Variants in LAMA3 observed in about 807,000 individuals in gnomAD.
LAMA3 encodes laminin subunit alpha-3.
Under a neutral mutation model 402.0 loss-of-function variants are expected in LAMA3, and 281 were observed. The observed-to-expected ratio is 0.70, with a 90% CI of 0.63 to 0.77. The LOEUF is 0.77. Among genes scored for constraint, LAMA3 ranks in the 30% least tolerant of loss-of-function variants. LAMA3 has a pLI of 0.00. For synonymous variants in LAMA3, 1,431 were observed against 1,558.4 expected (o/e 0.92, Z 1.93); for missense variants, 3,840 against 4,215.5 (o/e 0.91, Z 2.47).
intron 27 of LAMA3, among the ~76,000 whole-genome samples, chr18:23,840,415 C>T (rs1308580664): frequency 8.5e-6 from 1 of 117,086 alleles, no homozygotes; most frequent in Admixed American, 1.1e-4. Context: ...CAGATTCTTG[C>T]TCTATCACTC....
chr18:23,876,913 C>T (rs2064738444), intron 39 of LAMA3, among the ~76,000 whole-genome samples: 1 of 152,130 alleles, frequency 6.6e-6, no homozygotes, highest in African/African-American at 2.4e-5. Flanking sequence ...CCCAGCTACT[C>T]AGGAGACTGA....
At chr18:23,816,286 CTG>C in intron 17 of LAMA3, 100 bp from the exon 18 acceptor site, 1 of 837,472 alleles carries the variant, frequency 1.2e-6, no homozygotes. Flanking sequence ...AAGGCAGGCA[CTG>C]TGTCACTGGG....
chr18:23,749,834 G>T (rs1225586675), intron 4 of LAMA3, among the ~76,000 whole-genome samples: 2 of 152,286 alleles, frequency 1.3e-5, no homozygotes, highest in African/African-American at 4.8e-5. Context: ...AAAGTGGGTT[G>T]CTGGTAACTG....
intron 2 of LAMA3, among the ~76,000 whole-genome samples, chr18:23,738,253 G>A (rs2061509066): frequency 6.6e-6 from 1 of 151,856 alleles, no homozygotes; most frequent in Non-Finnish European, 1.5e-5. Context: ...TTTTCTTTGG[G>A]ATGGGAGAGA....
intron 11 of LAMA3, among the ~76,000 whole-genome samples, chr18:23,778,713 C>T (rs554927163): frequency 2.6e-5 from 4 of 152,298 alleles, no homozygotes; most frequent in Admixed American, 2.0e-4. Flanking sequence ...TACCCCAGGG[C>T]GCCAGCAGAG....
At chr18:23,898,414 A>G (rs1198570322) in intron 44 of LAMA3, 4 of 287,138 alleles carry the variant, frequency 1.4e-5, no homozygotes, top group African/African-American at 8.8e-5. Context: ...CAGGTTTTTA[A>G]AAAACTGTAT....
chr18:23,917,045 A>G (rs1437450823), intron 60 of LAMA3, among the ~76,000 whole-genome samples: 1 of 152,090 alleles, frequency 6.6e-6, no homozygotes, highest in Non-Finnish European at 1.5e-5. Context: ...AGTAGGCCCC[A>G]GGGTCTGTTG....
At chr18:23,695,131 G>A (rs2060660428) in intron 1 of LAMA3, among the ~76,000 whole-genome samples, 1 of 152,192 alleles carries the variant, frequency 6.6e-6, no homozygotes, top group Non-Finnish European at 1.5e-5. Context: ...CCCAGAAGCT[G>A]GAAGAGGCAA....
intron 2 of LAMA3, among the ~76,000 whole-genome samples, chr18:23,744,953 C>T (rs962167614): frequency 8.6e-5 from 13 of 151,292 alleles, no homozygotes; most frequent in Admixed American, 5.3e-4. Flanking sequence ...GATTAAATTC[C>T]GAAATGGGAA....
At chr18:23,895,114 AT>A (rs2080835739) in intron 44 of LAMA3, 56 bp downstream of exon 44, 1 of 1,533,006 alleles carries the variant, frequency 6.5e-7, no homozygotes, top group Non-Finnish European at 8.8e-7. Flanking sequence ...GCGGGAGTGG[AT>A]TCTCCATAAG....
chr18:23,727,482 C>T (rs2061320175), intron 2 of LAMA3, among the ~76,000 whole-genome samples: 1 of 152,272 alleles, frequency 6.6e-6, no homozygotes, highest in South Asian at 2.1e-4. Flanking sequence ...CATGCCACCA[C>T]ACCTGGCTAA....
At chr18:23,833,770 G>A (rs1218688595) in intron 23 of LAMA3, 58 bp from the exon 24 acceptor site, 2 of 1,585,766 alleles carry the variant, frequency 1.3e-6, no homozygotes, top group African/African-American at 2.7e-5. Context: ...GCTGATGCAA[G>A]TGTGGCCTGT....
At chr18:23,910,877 A>T (rs1255006392) in intron 55 of LAMA3, among the ~76,000 whole-genome samples, 1 of 152,160 alleles carries the variant, frequency 6.6e-6, no homozygotes, top group Admixed American at 6.5e-5. Context: ...GAAAAATAGG[A>T]CTAATTACAG....
At chr18:23,840,167 G>A (rs2063666795) in intron 27 of LAMA3, among the ~76,000 whole-genome samples, 1 of 152,102 alleles carries the variant, frequency 6.6e-6, no homozygotes, top group South Asian at 2.1e-4. Context: ...AGAAATGCAG[G>A]CATCTGGTTA....
chr18:23,907,701 C>T (rs747719287), intron 53 of LAMA3, 35 bp downstream of exon 53: 2 of 1,612,112 alleles, frequency 1.2e-6, no homozygotes, highest in South Asian at 1.1e-5. Flanking sequence ...ACTCGGTTGG[C>T]TTCTTTTGTT....
intron 60 of LAMA3, 86 bp from the exon 61 acceptor site, chr18:23,920,849 G>A (rs576746628): frequency 5.7e-5 from 86 of 1,511,344 alleles, no homozygotes; most frequent in Admixed American, 2.2e-4. Flanking sequence ...GAGAGCAGGG[G>A]GGTCTGTGAG....
chr18:23,927,563 T>C (rs1176093381), intron 62 of LAMA3, among the ~76,000 whole-genome samples: 1 of 152,144 alleles, frequency 6.6e-6, no homozygotes, highest in African/African-American at 2.4e-5. Context: ...GTTCCATTGT[T>C]TCAGCTTGGC....
At chr18:23,875,616 G>A (rs1249805053) in intron 38 of LAMA3, among the ~76,000 whole-genome samples, 1 of 152,072 alleles carries the variant, frequency 6.6e-6, no homozygotes, top group Non-Finnish European at 1.5e-5. Context: ...ACTGATTGTG[G>A]CATGATTGTC....
At chr18:23,823,416 G>A (rs11872810) in intron 20 of LAMA3, among the ~76,000 whole-genome samples, 71,336 of 152,076 alleles carry the variant, frequency 0.47, 18,864 homozygotes, top group Non-Finnish European at 0.61. Context: ...TCAAATAGTT[G>A]GAATACATTT....
Sources: allele counts gnomAD v4.1 joint callset (sites outside exome capture counted in the v4.1 genomes callset), GRCh38; gene constraint gnomAD v4.1.1; transcripts MANE v1.5; gene names NCBI Gene and HGNC (gene_info 2026-07-23, HGNC 2026-07-21).